Variants in GRID2 observed in about 807,000 individuals in gnomAD.
GRID2 encodes glutamate ionotropic receptor delta type subunit 2.
A neutral mutation model predicts 114.8 loss-of-function variants in GRID2; 33 were observed. The observed-to-expected ratio is 0.29, with a 90% CI of 0.22 to 0.38. GRID2 has a LOEUF of 0.38. GRID2 is among the 10% of genes least tolerant of loss of function. The pLI, the probability that GRID2 is intolerant of heterozygous loss-of-function variation, is 1.00. For missense variants in GRID2, 1,184 were observed against 1,257.7 expected (o/e 0.94, Z 0.89); for synonymous variants, 505 against 449.9 (o/e 1.12, Z -1.55).
chr4:92,794,877 TATA>T (rs1560596255), intron 2 of GRID2, among the ~76,000 whole-genome samples: 11 of 108,490 alleles, frequency 1.0e-4, no homozygotes, highest in African/African-American at 2.7e-4. Flanking sequence ...AATTGTTTTA[TATA>T]TATATATATA....
At chr4:92,574,638 G>A (rs1727799930) in intron 1 of GRID2, among the ~76,000 whole-genome samples, 1 of 152,014 alleles carries the variant, frequency 6.6e-6, no homozygotes, top group Non-Finnish European at 1.5e-5. Flanking sequence ...TCTTTAAAAT[G>A]TTACATTTTG....
At chr4:93,591,200 G>T (rs541210008) in intron 13 of GRID2, among the ~76,000 whole-genome samples, 1 of 150,490 alleles carries the variant, frequency 6.6e-6, no homozygotes, top group Admixed American at 6.6e-5. Context: ...GTTTGTCATA[G>T]ATAGCTCTTA....
At chr4:92,862,935 A>C (rs1274315956) in intron 2 of GRID2, among the ~76,000 whole-genome samples, 1 of 152,050 alleles carries the variant, frequency 6.6e-6, no homozygotes, top group Non-Finnish European at 1.5e-5. Flanking sequence ...TGATAAATGC[A>C]CAACAACTTT....
At chr4:92,496,582 A>G (rs1011560795) in intron 1 of GRID2, among the ~76,000 whole-genome samples, 22 of 151,962 alleles carry the variant, frequency 1.4e-4, no homozygotes, top group African/African-American at 5.1e-4. Flanking sequence ...GAGATTTTAT[A>G]GAGCCTTTTT....
At chr4:92,941,863 A>G (rs1272694102) in intron 2 of GRID2, among the ~76,000 whole-genome samples, 1 of 152,094 alleles carries the variant, frequency 6.6e-6, no homozygotes, top group Admixed American at 6.5e-5. Context: ...CTCAATTTCC[A>G]TGTAGTTGAG....
In GRID2 at chr4:93,449,750, T is replaced by G. The variant is rs563687301; in HGVS notation, c.1546-5912T>G. ...ACTTTAGAGGCATATTGCCATACTT[T>G]GAACTTGCCAATGTATGTTTCATCA... On this transcript the variant is annotated intron_variant, in intron 10 of 15. Coordinates refer to ENST00000282020, the MANE Select transcript of GRID2 (RefSeq NM_001510.4). Among the ~76,000 whole-genome samples, 8 of 152,176 alleles carry G rather than the reference T, an allele frequency of 5.3e-5. No individual in the cohort carries two copies. The East Asian group carries it at 1.6e-3, about 30-fold the overall frequency.
At chr4:92,766,241 A>G (rs1340635692) in intron 2 of GRID2, among the ~76,000 whole-genome samples, 1 of 152,164 alleles carries the variant, frequency 6.6e-6, no homozygotes, top group African/African-American at 2.4e-5. Flanking sequence ...CCTCTTGTAG[A>G]TAAGAAGACA....
At chr4:92,341,892 G>A (rs1194994962) in intron 1 of GRID2, among the ~76,000 whole-genome samples, 15 of 149,418 alleles carry the variant, frequency 1.0e-4, no homozygotes, top group African/African-American at 3.7e-4. Context: ...TCCAGCCTGG[G>A]CGACAGCGAG....
At chr4:92,716,616 GCTGT>G (rs1417956940) in intron 2 of GRID2, among the ~76,000 whole-genome samples, 2 of 152,126 alleles carry the variant, frequency 1.3e-5, no homozygotes, top group Admixed American at 6.5e-5. Context: ...GGCTTGTTCA[GCTGT>G]CTGTGTTTTA....
At chr4:93,400,012 TA>T (rs1393786256) in intron 9 of GRID2, among the ~76,000 whole-genome samples, 1 of 152,064 alleles carries the variant, frequency 6.6e-6, no homozygotes, top group Admixed American at 6.6e-5. Flanking sequence ...AATTACATTA[TA>T]AGGATAAAAA....
intron 4 of GRID2, among the ~76,000 whole-genome samples, chr4:93,125,408 A>T (rs1295565780): frequency 6.6e-6 from 1 of 151,964 alleles, no homozygotes; most frequent in Non-Finnish European, 1.5e-5. Context: ...TATATATGTT[A>T]TAAAATAATA....
At chr4:92,658,851 T>A (rs1308808774) in intron 2 of GRID2, among the ~76,000 whole-genome samples, 1 of 133,106 alleles carries the variant, frequency 7.5e-6, no homozygotes, top group Non-Finnish European at 1.7e-5. Flanking sequence ...TGTATGTGTA[T>A]ATGTATCACA....
intron 4 of GRID2, among the ~76,000 whole-genome samples, chr4:93,119,540 A>AT (rs972214706): frequency 1.3e-5 from 2 of 152,032 alleles, no homozygotes; most frequent in African/African-American, 2.4e-5. Context: ...TCCAATTTAC[A>AT]TTTTTTCTTC....
intron 8 of GRID2, among the ~76,000 whole-genome samples, chr4:93,393,565 C>G (rs1243376245): frequency 6.6e-6 from 1 of 151,902 alleles, no homozygotes; most frequent in Non-Finnish European, 1.5e-5. Flanking sequence ...TGCTTTTTTG[C>G]TGTCATTGTT....
chr4:93,006,942 C>T (rs1453745441), intron 2 of GRID2, among the ~76,000 whole-genome samples: 1 of 151,190 alleles, frequency 6.6e-6, no homozygotes, highest in South Asian at 2.1e-4. Context: ...AAACAAAAAA[C>T]CCTGTCTTAA....
rs373898913 is a variant in GRID2, at chr4:93,749,718, G to A, written c.2361-19492G>A. 1.9e-4 allele frequency among the ~76,000 whole-genome samples: 29 copies of A among 152,214 alleles called. 1 individual carries two copies. The East Asian group carries it at 3.1e-3, about 16-fold the overall frequency. On this transcript the variant is annotated intron_variant, in intron 14 of 15. Coordinates refer to ENST00000282020, the MANE Select transcript of GRID2 (RefSeq NM_001510.4). ...CTTTGACCACTTTTGCCAAAGTGGCGTCATCCCCCTCTACAGAGCTAAGTA... is the reference window on the plus strand; with the variant it reads ...CTTTGACCACTTTTGCCAAAGTGGCATCATCCCCCTCTACAGAGCTAAGTA...
At chr4:92,589,110 A>ACAAC (rs1344492767) in intron 1 of GRID2, among the ~76,000 whole-genome samples, 1 of 152,172 alleles carries the variant, frequency 6.6e-6, no homozygotes, top group Non-Finnish European at 1.5e-5. Flanking sequence ...CATCTCAAAA[A>ACAAC]CAACCAACCA....
At chr4:92,666,659 T>TTTTTTTTTTTTG (rs1732799646) in intron 2 of GRID2, among the ~76,000 whole-genome samples, 1 of 147,966 alleles carries the variant, frequency 6.8e-6, no homozygotes, top group Non-Finnish European at 1.5e-5. Context: ...TGTTTTTTTT[T>TTTTTTTTTTTTG]TTTTTTTTTT....
At chr4:93,320,687 T>A (rs1757116077) in intron 8 of GRID2, among the ~76,000 whole-genome samples, 1 of 151,998 alleles carries the variant, frequency 6.6e-6, no homozygotes, top group African/African-American at 2.4e-5. Flanking sequence ...GAGTCAACCA[T>A]AGCTGAATTA....
Sources: gnomAD v4.1 joint callset for allele counts (sites outside exome capture counted in the v4.1 genomes callset) on GRCh38, gnomAD v4.1.1 for gene constraint, MANE v1.5 for transcripts, NCBI Gene and HGNC (gene_info 2026-07-23, HGNC 2026-07-21) for gene names.